STAM2: variants seen among roughly 807,000 people sequenced by gnomAD.
STAM2 encodes the protein signal transducing adaptor molecule 2, also known as signal transducing adapter molecule 2.
In STAM2, 51 loss-of-function variants were observed where a neutral mutation model predicts 65.6. The observed-to-expected ratio is 0.78, with a 90% CI of 0.62 to 0.98. STAM2 has a LOEUF of 0.98. Ranked by LOEUF, STAM2 falls within the 50% of genes least tolerant of loss-of-function variation. The pLI is 0.00. For synonymous variants in STAM2, 198 were observed against 208.4 expected, an observed-to-expected ratio of 0.95 and a Z score of 0.43; for missense variants, 584 against 617.8, an observed-to-expected ratio of 0.95 and a Z score of 0.58.
chr2:152,122,279 T>C lies in STAM2; in HGVS notation c.1350-1477A>G, dbSNP rs575573023. Among the ~76,000 whole-genome samples, 10 of 151,358 alleles carry C rather than the reference T, an allele frequency of 6.6e-5. No individual in the cohort carries two copies. The South Asian group carries it at 2.1e-3, about 32-fold the overall frequency. On this transcript the variant is annotated intron_variant, in intron 13 of 13. Transcript: ENST00000263904. ...CCATCTCTACAAAAAATTAATAACA[T>C]TAGCTGGGTGTAGTATGCGCCTGTG...
At chr2:152,133,868 G>A (rs1005278695) in intron 8 of STAM2, among the ~76,000 whole-genome samples, 1 of 152,126 alleles carries the variant, frequency 6.6e-6, no homozygotes, top group Non-Finnish European at 1.5e-5. Flanking sequence ...TATGACAGCA[G>A]ACTATTATCT....
intron 1 of STAM2, among the ~76,000 whole-genome samples, chr2:152,171,370 C>T (rs1689895946): frequency 6.6e-6 from 1 of 151,924 alleles, no homozygotes. Flanking sequence ...AAAAAACTGG[C>T]TGTTAAGTCT....
intron 2 of STAM2, among the ~76,000 whole-genome samples, chr2:152,149,637 A>G (rs1689404848): frequency 6.6e-6 from 1 of 151,798 alleles, no homozygotes; most frequent in Non-Finnish European, 1.5e-5. Flanking sequence ...AGCTGGGATT[A>G]CAGGCGCACA....
At chr2:152,145,311 C>T (rs1689318740) in intron 5 of STAM2, among the ~76,000 whole-genome samples, 1 of 152,090 alleles carries the variant, frequency 6.6e-6, no homozygotes, top group Non-Finnish European at 1.5e-5. Context: ...TCAAGTGATT[C>T]TCCTGTCTCA....
At chr2:152,169,499 A>C (rs745996919) in intron 1 of STAM2, among the ~76,000 whole-genome samples, 1 of 151,908 alleles carries the variant, frequency 6.6e-6, no homozygotes, top group Non-Finnish European at 1.5e-5. Context: ...CTGATCTCGA[A>C]CTCCTGAGAT....
chr2:152,160,682 C>T (rs570363310), intron 1 of STAM2, among the ~76,000 whole-genome samples: 20 of 150,222 alleles, frequency 1.3e-4, no homozygotes, highest in African/African-American at 2.9e-4. Context: ...CCAGCCACCC[C>T]GTCCGGGAGG....
At chr2:152,130,901 C>T (rs1462565802) in intron 11 of STAM2, among the ~76,000 whole-genome samples, 1 of 149,972 alleles carries the variant, frequency 6.7e-6, no homozygotes, top group Non-Finnish European at 1.5e-5. Context: ...GGAGGATGAG[C>T]CAGAGAATGG....
chr2:152,164,353 T>A (rs1022982791), intron 1 of STAM2, among the ~76,000 whole-genome samples: 83 of 152,132 alleles, frequency 5.5e-4, no homozygotes, highest in Non-Finnish European at 1.1e-3. Flanking sequence ...TTTTTTTTTT[T>A]TTTTTGAGAT....
Position 152,119,880 on chromosome 2 carries a change from A to G in STAM2, c.*694T>C, listed in dbSNP as rs377454866. The stretch of plus-strand genomic sequence containing the variant: ...GTCTTCACTGTTAATCACAGAAAAC[A>G]TTTTTGTTCCTTCCAGATTGCTCTT... On this transcript the variant is annotated 3_prime_UTR_variant, in exon 14 of 14. Coordinates refer to ENST00000263904, the MANE Select transcript of STAM2 (RefSeq NM_005843.6). The G allele has an allele frequency of 2.0e-5, 3 of 152,532 alleles. No homozygotes were observed. Among genetic ancestry groups the G allele is most frequent in the East Asian group, 3.9e-4 (2 of 5,174 alleles). The allele number at this position is 152,532 out of a possible 1,614,324, so 9.4% of individuals were successfully genotyped here.
At chr2:152,172,933 G>C (rs1689922775) in intron 1 of STAM2, among the ~76,000 whole-genome samples, 1 of 151,544 alleles carries the variant, frequency 6.6e-6, no homozygotes, top group African/African-American at 2.4e-5. Context: ...CCTTTACAGA[G>C]AAAGCTCCTA....
intron 13 of STAM2, among the ~76,000 whole-genome samples, chr2:152,121,466 C>T (rs1038493083): frequency 3.9e-5 from 6 of 152,170 alleles, no homozygotes; most frequent in Non-Finnish European, 7.3e-5. Flanking sequence ...GGAGCCCTGG[C>T]TCAAGATGCC....
chr2:152,145,231 C>T (rs953298265), intron 5 of STAM2, among the ~76,000 whole-genome samples: 4 of 152,178 alleles, frequency 2.6e-5, no homozygotes, highest in African/African-American at 4.8e-5. Flanking sequence ...CATCCACAAC[C>T]GGCTAATTTT....
chr2:152,123,082 A>AG (rs892352035), intron 13 of STAM2, among the ~76,000 whole-genome samples: 2 of 151,434 alleles, frequency 1.3e-5, no homozygotes, highest in African/African-American at 4.9e-5. Flanking sequence ...AAAAAAAAAA[A>AG]ACTTGGCCAG....
intron 7 of STAM2, among the ~76,000 whole-genome samples, chr2:152,142,432 T>G (rs899549319): frequency 3.9e-5 from 6 of 152,214 alleles, no homozygotes; most frequent in African/African-American, 1.4e-4. Context: ...TAAGTTCTTT[T>G]GTAAGTACTC....
intron 12 of STAM2, 153 bp from the exon 13 acceptor site, chr2:152,124,088 G>T (rs886464083): frequency 3.2e-6 from 2 of 632,092 alleles, no homozygotes; most frequent in Non-Finnish European, 5.2e-6. Context: ...ACTAAAAGTG[G>T]AGAGCTGTCA....
intron 10 of STAM2, among the ~76,000 whole-genome samples, chr2:152,132,785 CTA>C (rs3045386): frequency 0.37 from 55,969 of 151,756 alleles, 12,500 homozygotes; most frequent in Non-Finnish European, 0.51. Context: ...CATCAATTGA[CTA>C]TGTTATGAAG....
In STAM2 at chr2:152,153,197, T is replaced by C. The variant is rs143638185; in HGVS notation, c.41-2968A>G. 3.6e-3 allele frequency among the ~76,000 whole-genome samples: 552 copies of C among 152,272 alleles called. 4 individuals are homozygous for C. Among genetic ancestry groups the C allele is most frequent in the Middle Eastern group, 6.8e-3 (2 of 294 alleles). On this transcript the variant is annotated intron_variant, in intron 1 of 13. Transcript: ENST00000263904. Reference sequence around the variant, plus strand: ...CTGCTAGTATGGAGAGGTGGAGATATAAAAAGTACCACTTTAGAAACACTG... The same window carrying C: ...CTGCTAGTATGGAGAGGTGGAGATACAAAAAGTACCACTTTAGAAACACTG...
At position 152,161,513 on chromosome 2, in the gene STAM2, A is replaced by C. The variant is rs905794985; in HGVS notation, c.41-11284T>G. On this transcript the variant is annotated intron_variant, in intron 1 of 13. Transcript: ENST00000263904. ...GATCAATAAAAAAAAAAAAAAAAAA[A>C]AAACATTATATATACTTACTAGGTT... is the stretch of plus-strand genomic sequence containing the variant. 7.3e-5 allele frequency among the ~76,000 whole-genome samples: 11 copies of C among 151,634 alleles called. No homozygotes were observed. The East Asian group carries it at 7.7e-4, about 11-fold the overall frequency.
intron 7 of STAM2, among the ~76,000 whole-genome samples, chr2:152,139,913 T>A (rs1390091861): frequency 6.6e-6 from 1 of 152,234 alleles, no homozygotes; most frequent in African/African-American, 2.4e-5. Flanking sequence ...AGCATTTACA[T>A]TGTATCAGGT....
Sources: gnomAD v4.1 joint callset for allele counts (sites outside exome capture counted in the v4.1 genomes callset) on GRCh38, gnomAD v4.1.1 for gene constraint, MANE v1.5 for transcripts, NCBI Gene and HGNC (gene_info 2026-07-23, HGNC 2026-07-21) for gene names.